GFER: variants seen among roughly 807,000 people sequenced by gnomAD.
The protein encoded by GFER is growth factor, augmenter of liver regeneration.
GFER carries 24 observed loss-of-function variants against 18.2 expected under a neutral mutation model. The ratio of observed to expected loss-of-function variants is 1.32; its 90% CI spans 0.96 to 1.86. GFER has a LOEUF of 1.86. Among genes scored for constraint, GFER ranks in the 40% most tolerant of loss-of-function variants. The pLI, the probability that GFER is intolerant of heterozygous loss-of-function variation, is 0.00. For synonymous variants in GFER, 138 were observed against 126.9 expected (o/e 1.09, Z -0.59); for missense variants, 316 against 295.6 (o/e 1.07, Z -0.51).
rs1346858481 is a variant in GFER at position 1,984,517 on chromosome 16, CCT to C, written c.258+42_258+43del. 5 of 1,540,984 alleles carry C rather than the reference CCT, an allele frequency of 3.2e-6. No individual in the cohort carries two copies. The African/African-American group carries it at 6.8e-5, about 21-fold the overall frequency. On this transcript the variant is annotated intron_variant, in intron 1 of 2. Transcript: ENST00000248114. ...CGATTTCTCCCAGCCCCGCGCAGCC[CCT>C]GTCCCCGCCCCCGCCCAGGTACCCC...
At chr16:1,985,776 C>T (rs1042397665) in intron 2 of GFER, 90 bp from the exon 3 acceptor site, 2 of 1,211,764 alleles carry the variant, frequency 1.7e-6, no homozygotes, top group African/African-American at 1.5e-5. Context: ...AGCAGTGCCC[C>T]AGCTCTCCTT....
rs776857102 is a variant in GFER, at chr16:1,985,963, G to A, written c.553G>A (p.Asp185Asn). Reference sequence around the variant, plus strand: ...AGTGAACCGCAAGCTGGGCAAGCCTGACTTCGACTGCTCAAAAGTGGATGA... The same window carrying A: ...AGTGAACCGCAAGCTGGGCAAGCCTAACTTCGACTGCTCAAAAGTGGATGA... ...NEVNRKLGKP[D>N]FDCSKVDERW... Residue 185 changes from aspartate to asparagine, a missense_variant, in exon 3 of 3, where the codon GAC (aspartate) becomes AAC (asparagine). Physicochemically the swap from Asp to Asn is conservative, Grantham distance 23. Transcript: ENST00000248114. 1 of 1,613,156 alleles carries A rather than the reference G, an allele frequency of 6.2e-7. No homozygotes were observed. The highest frequency in any genetic ancestry group is 2.2e-5 in the East Asian group (1 of 44,888).
rs143272026 is a variant in GFER, at chr16:1,986,618, T to C, written c.*590T>C. 1.8e-3 allele frequency: 316 copies of C among 178,044 alleles called. No individual in the cohort carries two copies. The highest frequency in any genetic ancestry group is 3.1e-3 in the Non-Finnish European group (249 of 81,484). The allele number at this position is 178,044 out of a possible 1,614,324, so 11.0% of individuals were successfully genotyped here. On this transcript the variant is annotated 3_prime_UTR_variant, in exon 3 of 3. Transcript: ENST00000248114. ...TTGTGTCATGCCTGTCCACAGGGGA[T>C]TCGTGGGGCTCACTTCATCAGAGTT...
chr16:1,984,989 C>T (rs1367271703), intron 2 of GFER, 46 bp downstream of exon 2: 1 of 1,390,278 alleles, frequency 7.2e-7, no homozygotes. Flanking sequence ...GGAGCCTGGG[C>T]CTGGGGCTCC....
Position 1,984,204 on chromosome 16 carries a change from C to A in GFER, c.-15C>A, listed in dbSNP as rs1032828358. 1 of 1,470,286 alleles carries A rather than the reference C, an allele frequency of 6.8e-7. No homozygotes were observed. Among genetic ancestry groups the A allele is most frequent in the Non-Finnish European group, 9.0e-7 (1 of 1,116,968 alleles). 91.1% of individuals were successfully genotyped at this position (1,470,286 alleles called of 1,614,324 possible). A position where few individuals can be genotyped will look rare whatever the true frequency, so the allele number is the denominator to read the frequency against. On this transcript the variant is annotated 5_prime_UTR_variant, in exon 1 of 3. Transcript: ENST00000248114. ...CTGGAGGCCGAGCTGACCCGGCAGGCCTTGCGCGGGCAACATGGCGGCGCC... is the reference window on the plus strand; with the variant it reads ...CTGGAGGCCGAGCTGACCCGGCAGGACTTGCGCGGGCAACATGGCGGCGCC...
At position 1,985,801 on chromosome 16, in the gene GFER, AG is replaced by A; in HGVS notation, c.456-62del. 7.0e-6 allele frequency: 10 copies of A among 1,418,602 alleles called. No individual in the cohort carries two copies. The South Asian group carries it at 9.2e-5, about 13-fold the overall frequency. The allele number at this position is 1,418,602 out of a possible 1,614,324, so 87.9% of individuals were successfully genotyped here. ...CAGCTCTCCTTCCTTGACAGCAGAC[AG>A]GGAACTGGCAGGGGCAGTGGAGCCG... On this transcript the variant is annotated intron_variant, in intron 2 of 2. Transcript: ENST00000248114.
intron 1 of GFER, 123 bp downstream of exon 1, chr16:1,984,599 G>A: frequency 7.3e-7 from 1 of 1,367,854 alleles, no homozygotes; most frequent in Non-Finnish European, 1.0e-6. Flanking sequence ...GGTAGGCCCG[G>A]CCTTACAGCC....
chr16:1,986,173 C>T lies in GFER; in HGVS notation c.*145C>T, dbSNP rs916900973. 10 of 837,726 alleles carry T rather than the reference C, an allele frequency of 1.2e-5. No homozygotes were observed. Among genetic ancestry groups the T allele is most frequent in the Non-Finnish European group, 2.0e-5 (10 of 510,336 alleles). 51.9% of individuals were successfully genotyped at this position (837,726 alleles called of 1,614,324 possible). The stretch of plus-strand genomic sequence containing the variant: ...CACTGCCTGTGGGGACCTGCCCTGC[C>T]CCTCTTAGGTTTGGAGCAGAAGTGG... On this transcript the variant is annotated 3_prime_UTR_variant, in exon 3 of 3. Transcript: ENST00000248114.
chr16:1,986,130 G>C lies in GFER; in HGVS notation c.*102G>C. On this transcript the variant is annotated 3_prime_UTR_variant, in exon 3 of 3. Coordinates refer to ENST00000248114, the MANE Select transcript of GFER (RefSeq NM_005262.3). ...CACAGCCAGAGCCTGTTGTGTCTCA[G>C]TTGGGTGGTCCCCAGGACACTGCCT... 7.8e-7 allele frequency: 1 copy of C among 1,275,358 alleles called. No homozygotes were observed. Among genetic ancestry groups the C allele is most frequent in the Non-Finnish European group, 1.1e-6 (1 of 890,624 alleles). 79.0% of individuals were successfully genotyped at this position (1,275,358 alleles called of 1,614,324 possible).
Position 1,984,382 on chromosome 16 carries a change from C to T in GFER, c.164C>T (p.Pro55Leu). 2 of 1,532,294 alleles carry T rather than the reference C, an allele frequency of 1.3e-6. No individual in the cohort carries two copies. The highest frequency in any genetic ancestry group is 1.7e-6 in the Non-Finnish European group (2 of 1,143,624). 94.9% of individuals were successfully genotyped at this position (1,532,294 alleles called of 1,614,324 possible). The change falls in exon 1 of 3, where the codon CCG becomes CTG. Residue 55 changes from proline (P) to leucine (L), a missense_variant. Coordinates refer to ENST00000248114, the MANE Select transcript of GFER (RefSeq NM_005262.3). ...AASASTPAQA[P>L]TSDSPVAEDA... ...TCGGCCTCGACGCCAGCCCAGGCGC[C>T]GACCTCCGATTCTCCTGTCGCCGAG...
rs1333625525 is a variant in GFER, at chr16:1,984,340, G to A, written c.122G>A (p.Arg41Gln). ...GACGCGCGGGGCCGGGGCGCGGGGC[G>A]GAGAGACGCGGCCGCCTCGGCCTCG... ...ATDARGRGAG[R>Q]RDAAASASTP... The change falls in exon 1 of 3, where the codon CGG (arginine) becomes CAG (glutamine). Residue 41 changes from arginine to glutamine, a missense_variant. Transcript: ENST00000248114. 3 of 1,502,938 alleles carry A rather than the reference G, an allele frequency of 2.0e-6. No individual in the cohort carries two copies. The highest frequency in any genetic ancestry group is 2.2e-5 in the Admixed American group (1 of 46,438). The allele number at this position is 1,502,938 out of a possible 1,614,324, so 93.1% of individuals were successfully genotyped here.
rs775969329 is a variant in GFER at position 1,985,846 on chromosome 16, T to C, written c.456-20T>C. Reference sequence around the variant, plus strand: ...GGAGCCGCTGCGTCCTCTCATTCTTTACCTGCTCTCCCTACACAGGCTGTG... The same window carrying C: ...GGAGCCGCTGCGTCCTCTCATTCTTCACCTGCTCTCCCTACACAGGCTGTG... On this transcript the variant is annotated intron_variant, in intron 2 of 2. Coordinates refer to ENST00000248114, the MANE Select transcript of GFER (RefSeq NM_005262.3). 2 of 1,608,904 alleles carry C rather than the reference T, an allele frequency of 1.2e-6. No individual in the cohort carries two copies. The highest frequency in any genetic ancestry group is 1.7e-6 in the Non-Finnish European group (2 of 1,178,786).
At chr16:1,984,632 C>A in intron 1 of GFER, 115 bp from the exon 2 acceptor site, 2 of 1,359,454 alleles carry the variant, frequency 1.5e-6, no homozygotes, top group Non-Finnish European at 2.1e-6. Context: ...TGGGTTGGAT[C>A]GTCTGCAGGA....
chr16:1,984,255 G>A lies in GFER; in HGVS notation c.37G>A (p.Gly13Arg). The A allele has an allele frequency of 1.4e-6, 2 of 1,479,074 alleles. No homozygotes were observed. The highest frequency in any genetic ancestry group is 1.3e-5 in the South Asian group (1 of 77,900). The allele number at this position is 1,479,074 out of a possible 1,614,324, so 91.6% of individuals were successfully genotyped here. ...CGGCGAGCGGGGCCGCTTCCACGGCGGGAACCTCTTCTTCCTGCCGGGGGG... is the reference window on the plus strand; with the variant it reads ...CGGCGAGCGGGGCCGCTTCCACGGCAGGAACCTCTTCTTCCTGCCGGGGGG... ...APGERGRFHG[G>R]NLFFLPGGAR... is the part of the protein sequence containing the mutation. Residue 13 changes from glycine (G) to arginine (R), a missense_variant, in exon 1 of 3, where the codon GGG becomes AGG. Transcript: ENST00000248114.
chr16:1,985,018 G>A (rs1371687530), intron 2 of GFER, 75 bp downstream of exon 2: 10 of 1,176,424 alleles, frequency 8.5e-6, no homozygotes, highest in Non-Finnish European at 1.0e-5. Flanking sequence ...GTTATAGCGG[G>A]GAACGTAGAG....
At chr16:1,985,593 C>T (rs1367363847) in intron 2 of GFER, among the ~76,000 whole-genome samples, 1 of 152,230 alleles carries the variant, frequency 6.6e-6, no homozygotes, top group Non-Finnish European at 1.5e-5. Context: ...TATAAAATTG[C>T]CAGGTCTGTG....
Sources: gnomAD v4.1 joint callset for allele counts (sites outside exome capture counted in the v4.1 genomes callset) on GRCh38, gnomAD v4.1.1 for gene constraint, MANE v1.5 for transcripts, NCBI Gene and HGNC (gene_info 2026-07-23, HGNC 2026-07-21) for gene names.